HERC1: variants seen among roughly 807,000 people sequenced by gnomAD.
HERC1 encodes the protein HECT and RLD domain containing E3 ubiquitin protein ligase family member 1, also known as probable E3 ubiquitin-protein ligase HERC1.
In HERC1, 160 loss-of-function variants were observed where a neutral mutation model predicts 554.3. The observed-to-expected ratio is 0.29, with a 90% CI of 0.25 to 0.33. The LOEUF is 0.33. Ranked by LOEUF, HERC1 falls within the 10% of genes least tolerant of loss-of-function variation. The pLI is 1.00. For missense variants in HERC1, 4,919 were observed against 5,918.5 expected (o/e 0.83, Z 5.54); for synonymous variants, 2,175 against 2,131.7 (o/e 1.02, Z -0.56).
rs761293652 is a variant in HERC1 at position 63,718,676 on chromosome 15, G to A, written c.3876C>T (p.His1292=). 1.9e-6 allele frequency: 3 copies of A among 1,602,146 alleles called. No individual in the cohort carries two copies. The highest frequency in any genetic ancestry group is 1.7e-4 in the Middle Eastern group (1 of 6,030). ...ATACACAACGGTACACTTCTGATAAGTGTTTACCAGGTTGATATCTAAATG... is the reference window on the plus strand; with the variant it reads ...ATACACAACGGTACACTTCTGATAAATGTTTACCAGGTTGATATCTAAATG... ...CGESRYQPGK[H]LSEVYRCVYK... The change falls in exon 21 of 78, where the codon CAC becomes CAT. Residue 1292 remains histidine, a synonymous_variant. Coordinates refer to ENST00000443617, the MANE Select transcript of HERC1 (RefSeq NM_003922.4). The surrounding 1 kb of genome is among the most constrained non-coding windows in gnomAD (Gnocchi z 4.2).
rs866854541 is a variant in HERC1 at position 63,638,756 on chromosome 15, G to A, written c.11922C>T (p.Asn3974=). ...VFLMDNSKWI[N]GMDEQIMSWA... ...AAGACATAATTTGTTCATCCATGCC[G>A]TTAATCCATTTACTGTTATCCTGAA... The change falls in exon 62 of 78, where the codon AAC becomes AAT. Residue 3974 remains asparagine (N), a synonymous_variant. Coordinates refer to ENST00000443617, the MANE Select transcript of HERC1 (RefSeq NM_003922.4). The A allele has an allele frequency of 1.3e-5, 21 of 1,613,332 alleles. No homozygotes were observed. The Middle Eastern group carries it at 8.3e-4, about 63-fold the overall frequency.
intron 46 of HERC1, 44 bp downstream of exon 46, chr15:63,660,929 T>C (rs757493748): frequency 8.7e-7 from 1 of 1,150,192 alleles, no homozygotes; most frequent in Non-Finnish European, 1.3e-6. Context: ...AGAGAGGATA[T>C]ATAAAAAAAC....
In HERC1 at chr15:63,645,563, G is replaced by C. The variant is rs1342622153; in HGVS notation, c.10998C>G (p.Leu3666=). ...ISGCWCCLHS[L]CHPSIVNGIA... ...TGCCATTTACAATAGATGGATGGCAGAGTGAATGTAGACAGCACCAGCATC... is the reference window on the plus strand; with the variant it reads ...TGCCATTTACAATAGATGGATGGCACAGTGAATGTAGACAGCACCAGCATC... Residue 3666 remains leucine (L), a synonymous_variant, in exon 56 of 78, where the codon CTC becomes CTG. Coordinates refer to ENST00000443617, the MANE Select transcript of HERC1 (RefSeq NM_003922.4). 1.9e-6 allele frequency: 3 copies of C among 1,613,454 alleles called. No individual in the cohort carries two copies. The highest frequency in any genetic ancestry group is 1.3e-5 in the African/African-American group (1 of 74,920).
intron 1 of HERC1, among the ~76,000 whole-genome samples, chr15:63,801,688 T>C (rs1246392712): frequency 6.6e-6 from 1 of 152,216 alleles, no homozygotes; most frequent in Non-Finnish European, 1.5e-5. Context: ...GCATATTGAA[T>C]ATAATTTAAT....
Position 63,638,453 on chromosome 15 carries a change from T to G in HERC1, c.12051A>C (p.Val4017=). 6.2e-7 allele frequency: 1 copy of G among 1,613,874 alleles called. No homozygotes were observed. The highest frequency in any genetic ancestry group is 8.5e-7 in the Non-Finnish European group (1 of 1,179,802). ...ATGAGGGAGCTGCTGCAGGTACCAT[T>G]ACATTTCTTCCAGCTTCTGCCAGCT... The part of the protein sequence containing the change: ...HGQLAEAGRN[V]MVPAAAPSFS... Residue 4017 remains valine (V), a synonymous_variant, in exon 63 of 78, where the codon GTA becomes GTC. Coordinates refer to ENST00000443617, the MANE Select transcript of HERC1 (RefSeq NM_003922.4).
rs1450049850 is a variant in HERC1, at chr15:63,756,178, T to C, written c.1533+259A>G. Among the ~76,000 whole-genome samples, 1 of 152,224 alleles carries C rather than the reference T, an allele frequency of 6.6e-6. No individual in the cohort carries two copies. Reference sequence around the variant, plus strand: ...ACACTTCAAAAGTGCTAAATGTTTGTTAAATGAATGACTCTCAGTTTGCTT... The same window carrying C: ...ACACTTCAAAAGTGCTAAATGTTTGCTAAATGAATGACTCTCAGTTTGCTT... On this transcript the variant is annotated intron_variant, in intron 5 of 77. Coordinates refer to ENST00000443617, the MANE Select transcript of HERC1 (RefSeq NM_003922.4). This position sits in a 1 kb window ranked among gnomAD's most constrained non-coding sequence, Gnocchi z 5.0.
chr15:63,731,559 T>C (rs1386928130), intron 14 of HERC1, among the ~76,000 whole-genome samples: 3 of 152,240 alleles, frequency 2.0e-5, no homozygotes, highest in Non-Finnish European at 4.4e-5. Flanking sequence ...CAGCCATTAC[T>C]CCTTAACATC....
chr15:63,686,397 C>A lies in HERC1; in HGVS notation c.6187G>T (p.Ala2063Ser). 6.2e-7 allele frequency: 1 copy of A among 1,613,354 alleles called. No homozygotes were observed. Among genetic ancestry groups the A allele is most frequent in the South Asian group, 1.1e-5 (1 of 90,960 alleles). The change falls in exon 34 of 78, where the codon GCA becomes TCA. Residue 2063 changes from alanine to serine, a missense_variant. This residue lies in a region of HERC1 where 85 missense variants were observed against 163.2 expected (regional missense o/e 0.52). Coordinates refer to ENST00000443617, the MANE Select transcript of HERC1 (RefSeq NM_003922.4). The part of the protein sequence containing the change: ...HGSGGKGYGL[A>S]STGVTSGCYQ... ...CACCCAGAAGTTACTCCTGTAGATGCCAATCCATATCCTTTCCCTCCACTG... is the reference window on the plus strand; with the variant it reads ...CACCCAGAAGTTACTCCTGTAGATGACAATCCATATCCTTTCCCTCCACTG...
intron 12 of HERC1, among the ~76,000 whole-genome samples, chr15:63,739,917 T>TTTA (rs1301648353): frequency 2.7e-5 from 4 of 146,656 alleles, no homozygotes; most frequent in Non-Finnish European, 6.1e-5. Context: ...CATATTTTAT[T>TTTA]TTTTTTTTTT....
rs753780877 is a variant in HERC1, at chr15:63,656,210, G to C, written c.9748C>G (p.Arg3250Gly). 1 of 1,613,050 alleles carries C rather than the reference G, an allele frequency of 6.2e-7. No individual in the cohort carries two copies. Among genetic ancestry groups the C allele is most frequent in the African/African-American group, 1.3e-5 (1 of 74,898 alleles). The change falls in exon 49 of 78, where the codon CGA becomes GGA. Residue 3250 changes from arginine to glycine, a missense_variant. Coordinates refer to ENST00000443617, the MANE Select transcript of HERC1 (RefSeq NM_003922.4). ...TTGTTAGCCTTGCTATGCCCACCTC[G>C]TGATCGTTCTGAGGTGCTAGCCATG... ...SAMASTSERS[R>G]GGHSKANKPI...
At chr15:63,800,959 T>TA (rs1567141048) in intron 1 of HERC1, among the ~76,000 whole-genome samples, 1 of 152,076 alleles carries the variant, frequency 6.6e-6, no homozygotes, top group African/African-American at 2.4e-5. Flanking sequence ...GGGGTGGAGA[T>TA]AGAGTTAATC....
intron 1 of HERC1, among the ~76,000 whole-genome samples, chr15:63,791,063 T>C (rs1231384567): frequency 6.6e-6 from 1 of 152,200 alleles, no homozygotes; most frequent in Admixed American, 6.5e-5. Flanking sequence ...ACAGAAAGTT[T>C]GGAAAATAAA....
intron 1 of HERC1, among the ~76,000 whole-genome samples, chr15:63,795,089 TA>T (rs1409000392): frequency 1.0e-5 from 1 of 97,174 alleles, no homozygotes; most frequent in Non-Finnish European, 2.3e-5. Context: ...AAAAAAAAAG[TA>T]AAGGAATAAT....
At position 63,758,182 on chromosome 15, in the gene HERC1, G is replaced by A; in HGVS notation, c.1214C>T (p.Ala405Val). 6 of 1,607,252 alleles carry A rather than the reference G, an allele frequency of 3.7e-6. No homozygotes were observed. The highest frequency in any genetic ancestry group is 5.1e-6 in the Non-Finnish European group (6 of 1,174,280). ...QPKLAPSFSD[A>V]QTIEAGQYCT... Reference sequence around the variant, plus strand: ...GCTATTTAGAAAACTTACGGTCTGTGCATCAGAGAAACTAGGAGCCAGTTT... The same window carrying A: ...GCTATTTAGAAAACTTACGGTCTGTACATCAGAGAAACTAGGAGCCAGTTT... Residue 405 changes from alanine to valine, a missense_variant, in exon 4 of 78, where the codon GCA becomes GTA. By Grantham distance (64) the Ala-to-Val change is moderately conservative. Transcript: ENST00000443617. The surrounding 1 kb of genome is among the most constrained non-coding windows in gnomAD (Gnocchi z 4.0).
chr15:63,743,610 G>C (rs1241977109), intron 12 of HERC1, among the ~76,000 whole-genome samples: 2 of 152,056 alleles, frequency 1.3e-5, no homozygotes, highest in East Asian at 3.9e-4. Flanking sequence ...AGGATTCTGA[G>C]GCATTCTTCA....
intron 21 of HERC1, among the ~76,000 whole-genome samples, chr15:63,717,361 A>T (rs1165537528): frequency 1.3e-5 from 2 of 152,188 alleles, no homozygotes; most frequent in Non-Finnish European, 2.9e-5. Flanking sequence ...GGAGAGAAAG[A>T]GTTTGGTTTT....
intron 17 of HERC1, among the ~76,000 whole-genome samples, chr15:63,726,712 C>T (rs938010218): frequency 6.6e-6 from 1 of 152,010 alleles, no homozygotes; most frequent in Non-Finnish European, 1.5e-5. Flanking sequence ...AAACAAAACA[C>T]CAGGGCCAGA....
Position 63,677,755 on chromosome 15 carries a change from T to C in HERC1, c.7070+90A>G. On this transcript the variant is annotated intron_variant, in intron 37 of 77. Coordinates refer to ENST00000443617, the MANE Select transcript of HERC1 (RefSeq NM_003922.4). The surrounding 1 kb of genome is among the most constrained non-coding windows in gnomAD (Gnocchi z 4.4). ...TTTAAAAGTTAACTGGCAGCTCACC[T>C]AAAATACATAATTACTCACTGTCGA... 6.6e-7 allele frequency: 1 copy of C among 1,511,882 alleles called. No individual in the cohort carries two copies. Among genetic ancestry groups the C allele is most frequent in the Admixed American group, 2.2e-5 (1 of 45,244 alleles). The allele number at this position is 1,511,882 out of a possible 1,614,324, so 93.7% of individuals were successfully genotyped here. A position where few individuals can be genotyped will look rare whatever the true frequency, so the allele number is the denominator to read the frequency against.
chr15:63,738,205 A>C (rs2074630410), intron 12 of HERC1, among the ~76,000 whole-genome samples: 1 of 152,234 alleles, frequency 6.6e-6, no homozygotes. Flanking sequence ...AATGACAGAG[A>C]TATTCAATAA....
Sources: allele counts gnomAD v4.1 joint callset (sites outside exome capture counted in the v4.1 genomes callset), GRCh38; gene constraint gnomAD v4.1.1; regional missense constraint gnomAD v4.1.1; non-coding constraint Gnocchi (gnomAD v3.1); transcripts MANE v1.5; gene names NCBI Gene and HGNC (gene_info 2026-07-23, HGNC 2026-07-21).